The following OR2A5 variants were observed in gnomAD, a reference collection of about 807,000 sequenced individuals.
OR2A5 encodes the protein olfactory receptor family 2 subfamily A member 5.
A neutral mutation model predicts 1.9 loss-of-function variants in OR2A5; 2 were observed. That is an observed-to-expected ratio of 1.04 (90% confidence interval 0.43 to 3.28). OR2A5 has a LOEUF of 3.28. OR2A5 is among the 30% of genes most tolerant of loss of function. The probability of loss-of-function intolerance (pLI) is 0.08; values close to 1 mark genes in which losing one functional copy is unlikely to be tolerated. For missense variants in OR2A5, 391 were observed against 375.9 expected (o/e 1.04, Z -0.33); for synonymous variants, 160 against 154.5 (o/e 1.04, Z -0.26).
rs1421289647 is a variant in OR2A5 at position 144,056,446 on chromosome 7, G to C, written c.*5109G>C. 6.6e-6 allele frequency: 1 copy of C among 152,314 alleles called. No individual in the cohort carries two copies. The highest frequency in any genetic ancestry group is 1.9e-4 in the East Asian group (1 of 5,170). The allele number at this position is 152,314 out of a possible 1,614,324, so 9.4% of individuals were successfully genotyped here. ...TAGGAAGCCCAAAGAGCTGGGCCAA[G>C]ACAACCCCTGAGCTTCTAGATGAGA... On this transcript the variant is annotated 3_prime_UTR_variant, in exon 2 of 2. Transcript: ENST00000641693.
At position 144,051,218 on chromosome 7, in the gene OR2A5, G is replaced by T. The variant is rs962503071; in HGVS notation, c.817G>T (p.Val273Phe). The change falls in exon 2 of 2, where the codon GTC (valine) becomes TTC (phenylalanine). Residue 273 changes from valine (V) to phenylalanine (F), a missense_variant. Physicochemically the swap from Val to Phe is conservative, Grantham distance 50 (BLOSUM62 -1). Coordinates refer to ENST00000641693, the MANE Select transcript of OR2A5 (RefSeq NM_012365.2). ...KSRHPEEQQK[V>F]LSLFYSLFNP... ...CCGCCACCCTGAGGAGCAGCAGAAGGTCCTTTCCCTGTTTTACAGCCTTTT... is the reference window on the plus strand; with the variant it reads ...CCGCCACCCTGAGGAGCAGCAGAAGTTCCTTTCCCTGTTTTACAGCCTTTT... 15 of 1,614,070 alleles carry T rather than the reference G, an allele frequency of 9.3e-6. No individual in the cohort carries two copies. The highest frequency in any genetic ancestry group is 1.2e-5 in the Non-Finnish European group (14 of 1,180,038).
rs2050957681 is a variant in OR2A5 at position 144,058,465 on chromosome 7, C to G, written c.*7128C>G. 1 of 152,266 alleles carries G rather than the reference C, an allele frequency of 6.6e-6. No homozygotes were observed. Among genetic ancestry groups the G allele is most frequent in the Admixed American group, 6.5e-5 (1 of 15,270 alleles). 9.4% of individuals were successfully genotyped at this position (152,266 alleles called of 1,614,324 possible). A position where few individuals can be genotyped will look rare whatever the true frequency, so the allele number is the denominator to read the frequency against. ...GAGACTGGGCAATTTATTTTTAAAA[C>G]AGGGTTTAGTTGACTCACAGTTCAG... On this transcript the variant is annotated 3_prime_UTR_variant, in exon 2 of 2. Coordinates refer to ENST00000641693, the MANE Select transcript of OR2A5 (RefSeq NM_012365.2).
rs1236028465 is a variant in OR2A5, at chr7:144,053,463, A to G, written c.*2126A>G. 2.0e-5 allele frequency: 3 copies of G among 152,208 alleles called. No individual in the cohort carries two copies. Among genetic ancestry groups the G allele is most frequent in the Non-Finnish European group, 4.4e-5 (3 of 68,032 alleles). The allele number at this position is 152,208 out of a possible 1,614,324, so 9.4% of individuals were successfully genotyped here. The stretch of plus-strand genomic sequence containing the variant: ...GGCTGCAAGTTCTACTGACTGCTTC[A>G]CAAATGTTACCCCGTTTATCTTGCA... On this transcript the variant is annotated 3_prime_UTR_variant, in exon 2 of 2. Transcript: ENST00000641693.
At position 144,053,902 on chromosome 7, in the gene OR2A5, G is replaced by A. The variant is rs1208919892; in HGVS notation, c.*2565G>A. 6.6e-6 allele frequency: 1 copy of A among 152,126 alleles called. No homozygotes were observed. The highest frequency in any genetic ancestry group is 2.1e-4 in the South Asian group (1 of 4,808). 9.4% of individuals were successfully genotyped at this position (152,126 alleles called of 1,614,324 possible). A position where few individuals can be genotyped will look rare whatever the true frequency, so the allele number is the denominator to read the frequency against. On this transcript the variant is annotated 3_prime_UTR_variant, in exon 2 of 2. Coordinates refer to ENST00000641693, the MANE Select transcript of OR2A5 (RefSeq NM_012365.2). The stretch of plus-strand genomic sequence containing the variant: ...TAATGCCTGTCTGCAAAATCACATG[G>A]CCTCATAAGGCATTGCCCCAAAGGG...
At position 144,054,379 on chromosome 7, in the gene OR2A5, T is replaced by A. The variant is rs569773668; in HGVS notation, c.*3042T>A. On this transcript the variant is annotated 3_prime_UTR_variant, in exon 2 of 2. Coordinates refer to ENST00000641693, the MANE Select transcript of OR2A5 (RefSeq NM_012365.2). ...GTGATGTATTTTTGTGAGAAGGATA[T>A]AAGGACAATGAAAATGAAAAATGAT... 2.6e-4 allele frequency: 39 copies of A among 152,160 alleles called. No individual in the cohort carries two copies. Among genetic ancestry groups the A allele is most frequent in the Non-Finnish European group, 4.9e-4 (33 of 68,016 alleles). 9.4% of individuals were successfully genotyped at this position (152,160 alleles called of 1,614,324 possible).
intron 1 of OR2A5, among the ~76,000 whole-genome samples, chr7:144,049,715 T>C (rs1295526423): frequency 6.6e-6 from 1 of 152,240 alleles, no homozygotes. Context: ...GGATTAGTGA[T>C]GGCAAACTTT....
rs2050947709 is a variant in OR2A5, at chr7:144,057,159, T to C, written c.*5822T>C. The C allele has an allele frequency of 6.6e-6, 1 of 152,130 alleles. No homozygotes were observed. 9.4% of individuals were successfully genotyped at this position (152,130 alleles called of 1,614,324 possible). A position where few individuals can be genotyped will look rare whatever the true frequency, so the allele number is the denominator to read the frequency against. On this transcript the variant is annotated 3_prime_UTR_variant, in exon 2 of 2. Transcript: ENST00000641693. ...AAAATTCAACTAACAGGATAAATTC[T>C]AGATGGAGTACATTATGGGAAAAAA...
rs2050918717 is a variant in OR2A5 at position 144,053,438 on chromosome 7, G to A, written c.*2101G>A. On this transcript the variant is annotated 3_prime_UTR_variant, in exon 2 of 2. Transcript: ENST00000641693. Reference sequence around the variant, plus strand: ...TGAAAGAAACAATTGCATTGTTTTAGGCTGCAAGTTCTACTGACTGCTTCA... The same window carrying A: ...TGAAAGAAACAATTGCATTGTTTTAAGCTGCAAGTTCTACTGACTGCTTCA... 6.6e-6 allele frequency: 1 copy of A among 152,128 alleles called. No individual in the cohort carries two copies. The allele number at this position is 152,128 out of a possible 1,614,324, so 9.4% of individuals were successfully genotyped here. A position where few individuals can be genotyped will look rare whatever the true frequency, so the allele number is the denominator to read the frequency against.
At position 144,053,062 on chromosome 7, in the gene OR2A5, A is replaced by AT. The variant is rs906745541; in HGVS notation, c.*1732dup. ...CATAAGCAATAGATTTGGATTCAGA[A>AT]TTTTTTTACCTAGGGTACAGTGGAA... is the stretch of plus-strand genomic sequence containing the variant. On this transcript the variant is annotated 3_prime_UTR_variant, in exon 2 of 2. Coordinates refer to ENST00000641693, the MANE Select transcript of OR2A5 (RefSeq NM_012365.2). The AT allele has an allele frequency of 2.0e-5, 3 of 152,124 alleles. No individual in the cohort carries two copies. The highest frequency in any genetic ancestry group is 1.3e-4 in the Admixed American group (2 of 15,282). The allele number at this position is 152,124 out of a possible 1,614,324, so 9.4% of individuals were successfully genotyped here.
At position 144,058,072 on chromosome 7, in the gene OR2A5, G is replaced by A. The variant is rs1292866780; in HGVS notation, c.*6735G>A. Reference sequence around the variant, plus strand: ...CTGCTGCAGTTGTAGCAGGCAATACGTCTGTCATCCACTCCTCAGTGGCTT... The same window carrying A: ...CTGCTGCAGTTGTAGCAGGCAATACATCTGTCATCCACTCCTCAGTGGCTT... On this transcript the variant is annotated 3_prime_UTR_variant, in exon 2 of 2. Coordinates refer to ENST00000641693, the MANE Select transcript of OR2A5 (RefSeq NM_012365.2). The A allele has an allele frequency of 6.6e-6, 1 of 152,194 alleles. No individual in the cohort carries two copies. The highest frequency in any genetic ancestry group is 1.5e-5 in the Non-Finnish European group (1 of 68,038). The allele number at this position is 152,194 out of a possible 1,614,324, so 9.4% of individuals were successfully genotyped here. A position where few individuals can be genotyped will look rare whatever the true frequency, so the allele number is the denominator to read the frequency against.
At position 144,050,879 on chromosome 7, in the gene OR2A5, G is replaced by A; in HGVS notation, c.478G>A (p.Val160Met). 6.2e-7 allele frequency: 1 copy of A among 1,614,156 alleles called. No individual in the cohort carries two copies. Among genetic ancestry groups the A allele is most frequent in the Non-Finnish European group, 8.5e-7 (1 of 1,180,012 alleles). The part of the protein sequence containing the change: ...ACGSLLALVH[V>M]VLILRLPFCG... ...TGGTTCCCTTCTGGCCCTGGTCCAT[G>A]TGGTTCTCATCCTGAGGCTGCCCTT... Residue 160 changes from valine to methionine, a missense_variant, in exon 2 of 2, where the codon GTG (valine) becomes ATG (methionine). Physicochemically the swap from Val to Met is conservative, Grantham distance 21. Transcript: ENST00000641693.
chr7:144,050,654 G>T lies in OR2A5; in HGVS notation c.253G>T (p.Gly85Cys). Residue 85 changes from glycine to cysteine, a missense_variant, in exon 2 of 2, where the codon GGC becomes TGC. Physicochemically the swap from Gly to Cys is radical, Grantham distance 159. Transcript: ENST00000641693. ...TGTCCCCAAGATGCTGACAAACCTT[G>T]GCTTGAACAAGAGAAAAACAATCTC... ...NNVPKMLTNL[G>C]LNKRKTISFV... 1 of 1,613,968 alleles carries T rather than the reference G, an allele frequency of 6.2e-7. No individual in the cohort carries two copies. Among genetic ancestry groups the T allele is most frequent in the Non-Finnish European group, 8.5e-7 (1 of 1,179,964 alleles).
At position 144,051,444 on chromosome 7, in the gene OR2A5, A is replaced by G; in HGVS notation, c.*107A>G. The G allele has an allele frequency of 2.3e-6, 2 of 862,572 alleles. No individual in the cohort carries two copies. The highest frequency in any genetic ancestry group is 3.4e-5 in the South Asian group (2 of 58,254). The allele number at this position is 862,572 out of a possible 1,614,324, so 53.4% of individuals were successfully genotyped here. Reference sequence around the variant, plus strand: ...CTCATCTCTTAGATTTCTGATATCAAGAATGTATATTGATTGGATTCTATC... The same window carrying G: ...CTCATCTCTTAGATTTCTGATATCAGGAATGTATATTGATTGGATTCTATC... On this transcript the variant is annotated 3_prime_UTR_variant, in exon 2 of 2. Transcript: ENST00000641693.
chr7:144,050,474 C>T lies in OR2A5; in HGVS notation c.73C>T (p.Leu25Phe), dbSNP rs1488347504. The change falls in exon 2 of 2, where the codon CTC becomes TTC. Residue 25 changes from leucine (L) to phenylalanine (F), a missense_variant. Leu to Phe is a conservative substitution (Grantham distance 22). Transcript: ENST00000641693. ...GFPLSLRIQMLLSGLFSLLYV... is the reference protein window; with the variant it reads ...GFPLSLRIQMFLSGLFSLLYV... Reference sequence around the variant, plus strand: ...TCCACTCAGCCTAAGGATTCAGATGCTCCTCTCTGGGCTTTTCTCCCTGTT... The same window carrying T: ...TCCACTCAGCCTAAGGATTCAGATGTTCCTCTCTGGGCTTTTCTCCCTGTT... 6.3e-7 allele frequency: 1 copy of T among 1,580,280 alleles called. No individual in the cohort carries two copies.
chr7:144,050,401 C>T lies in OR2A5; in HGVS notation c.-1C>T. On this transcript the variant is annotated 5_prime_UTR_variant, in exon 2 of 2. Coordinates refer to ENST00000641693, the MANE Select transcript of OR2A5 (RefSeq NM_012365.2). ...TCCAACGCAGGTACTGTCACAAGGGCATGACAAAAAATCAGACATGGGTCA... is the reference window on the plus strand; with the variant it reads ...TCCAACGCAGGTACTGTCACAAGGGTATGACAAAAAATCAGACATGGGTCA... 1 of 1,532,312 alleles carries T rather than the reference C, an allele frequency of 6.5e-7. No homozygotes were observed. The highest frequency in any genetic ancestry group is 8.7e-7 in the Non-Finnish European group (1 of 1,143,150). 94.9% of individuals were successfully genotyped at this position (1,532,312 alleles called of 1,614,324 possible).
chr7:144,056,141 A>G lies in OR2A5; in HGVS notation c.*4804A>G, dbSNP rs1057367237. 10 of 152,214 alleles carry G rather than the reference A, an allele frequency of 6.6e-5. No homozygotes were observed. The highest frequency in any genetic ancestry group is 6.5e-5 in the Admixed American group (1 of 15,278). 9.4% of individuals were successfully genotyped at this position (152,214 alleles called of 1,614,324 possible). A position where few individuals can be genotyped will look rare whatever the true frequency, so the allele number is the denominator to read the frequency against. On this transcript the variant is annotated 3_prime_UTR_variant, in exon 2 of 2. Transcript: ENST00000641693. Reference sequence around the variant, plus strand: ...GGAACTAAATATATTAAAGTTCTTCATGCAATAATGGGGAACTGAGGCTTA... The same window carrying G: ...GGAACTAAATATATTAAAGTTCTTCGTGCAATAATGGGGAACTGAGGCTTA...
rs1012268390 is a variant in OR2A5, at chr7:144,055,555, T to G, written c.*4218T>G. On this transcript the variant is annotated 3_prime_UTR_variant, in exon 2 of 2. Transcript: ENST00000641693. The stretch of plus-strand genomic sequence containing the variant: ...TTTCTGTCAAAATCCCGTCTTGTTC[T>G]TCCGAGGATTCAGCAGAGTCATCAA... The G allele has an allele frequency of 7.9e-5, 12 of 152,234 alleles. No individual in the cohort carries two copies. Among genetic ancestry groups the G allele is most frequent in the African/African-American group, 2.9e-4 (12 of 41,462 alleles). The allele number at this position is 152,234 out of a possible 1,614,324, so 9.4% of individuals were successfully genotyped here.
Position 144,051,383 on chromosome 7 carries a change from A to T in OR2A5, c.*46A>T. 1.4e-6 allele frequency: 2 copies of T among 1,448,998 alleles called. No individual in the cohort carries two copies. The highest frequency in any genetic ancestry group is 1.9e-6 in the Non-Finnish European group (2 of 1,060,236). 89.8% of individuals were successfully genotyped at this position (1,448,998 alleles called of 1,614,324 possible). ...GAGGGTTGAAGATTTGCTCCCAATG[A>T]GATTTGTAGGAACAGTGGTGTAAAT... On this transcript the variant is annotated 3_prime_UTR_variant, in exon 2 of 2. Transcript: ENST00000641693.
chr7:144,057,309 G>A lies in OR2A5; in HGVS notation c.*5972G>A, dbSNP rs539214784. ...TAATATCTATTTATTTTATAAGGACGTAAAAATAATGATGAAAATAGGATA... is the reference window on the plus strand; with the variant it reads ...TAATATCTATTTATTTTATAAGGACATAAAAATAATGATGAAAATAGGATA... On this transcript the variant is annotated 3_prime_UTR_variant, in exon 2 of 2. Transcript: ENST00000641693. 10 of 152,166 alleles carry A rather than the reference G, an allele frequency of 6.6e-5. No homozygotes were observed. The highest frequency in any genetic ancestry group is 6.2e-4 in the South Asian group (3 of 4,818). The allele number at this position is 152,166 out of a possible 1,614,324, so 9.4% of individuals were successfully genotyped here. A position where few individuals can be genotyped will look rare whatever the true frequency, so the allele number is the denominator to read the frequency against.
Sources: gnomAD v4.1 joint callset for allele counts (sites outside exome capture counted in the v4.1 genomes callset) on GRCh38, gnomAD v4.1.1 for gene constraint, MANE v1.5 for transcripts, NCBI Gene and HGNC (gene_info 2026-07-23, HGNC 2026-07-21) for gene names.